Variants in GRID2 observed in about 807,000 individuals in gnomAD.
GRID2 encodes the protein glutamate receptor ionotropic, delta-2.
In GRID2, 33 loss-of-function variants were observed where a neutral mutation model predicts 114.8. That is an observed-to-expected ratio of 0.29 (90% CI 0.22 to 0.38). GRID2 has a LOEUF of 0.38. GRID2 is among the 10% of genes least tolerant of loss of function. The pLI is 1.00. For synonymous variants in GRID2, 505 were observed against 449.9 expected (o/e 1.12, Z -1.55); for missense variants, 1,184 against 1,257.7 (o/e 0.94, Z 0.89).
At chr4:93,774,808 G>A (rs942575373), downstream of GRID2, among the ~76,000 whole-genome samples, 1 of 151,776 alleles carries the variant, frequency 6.6e-6, no homozygotes, top group African/African-American at 2.4e-5. Context: ...TTTTCTCTGT[G>A]GATGTCTCTG....
intron 1 of GRID2, among the ~76,000 whole-genome samples, chr4:92,363,422 T>C (rs1476677890): frequency 6.6e-6 from 1 of 152,022 alleles, no homozygotes; most frequent in Non-Finnish European, 1.5e-5. Context: ...TTTAGCGTTT[T>C]AGTTAAATAA....
intron 1 of GRID2, among the ~76,000 whole-genome samples, chr4:92,579,267 T>C (rs1030356335): frequency 2.0e-5 from 3 of 152,128 alleles, no homozygotes; most frequent in African/African-American, 7.2e-5. Context: ...TTTTTCAATA[T>C]GTGTTTAAAA....
intron 11 of GRID2, among the ~76,000 whole-genome samples, chr4:93,467,202 T>C (rs1291170961): frequency 6.6e-6 from 1 of 152,188 alleles, no homozygotes; most frequent in East Asian, 1.9e-4. Context: ...ATTGCAAAAG[T>C]TGGTTCTGGA....
chr4:92,775,965 G>A (rs773715881), intron 2 of GRID2, among the ~76,000 whole-genome samples: 3 of 152,088 alleles, frequency 2.0e-5, no homozygotes, highest in Admixed American at 1.3e-4. Flanking sequence ...AATTCTGCAG[G>A]TAGATTGTCA....
At chr4:92,664,730 A>G (rs1732683801) in intron 2 of GRID2, among the ~76,000 whole-genome samples, 1 of 151,192 alleles carries the variant, frequency 6.6e-6, no homozygotes, top group Admixed American at 6.6e-5. Context: ...AGGTACATGA[A>G]TGTTTACATA....
chr4:93,577,317 G>T (rs1736520437), intron 13 of GRID2, among the ~76,000 whole-genome samples: 1 of 152,094 alleles, frequency 6.6e-6, no homozygotes, highest in South Asian at 2.1e-4. Flanking sequence ...AACATTTATA[G>T]AAGAGAAAAC....
intron 2 of GRID2, among the ~76,000 whole-genome samples, chr4:92,830,148 T>G (rs1177064528): frequency 6.6e-6 from 1 of 151,290 alleles, no homozygotes; most frequent in Non-Finnish European, 1.5e-5. Flanking sequence ...AAAGCAATCC[T>G]GGGACTCATA....
intron 2 of GRID2, among the ~76,000 whole-genome samples, chr4:93,013,992 C>T (rs1162639360): frequency 6.6e-6 from 1 of 151,704 alleles, no homozygotes; most frequent in East Asian, 1.9e-4. Flanking sequence ...AGACTGAATC[C>T]AAGAGATGTA....
intron 14 of GRID2, among the ~76,000 whole-genome samples, chr4:93,718,534 G>A (rs1209447021): frequency 6.6e-6 from 1 of 152,046 alleles, no homozygotes; most frequent in East Asian, 1.9e-4. Context: ...GTTCCATGAA[G>A]GTAGGAATTT....
Position 92,938,945 on chromosome 4 carries a change from G to T in GRID2, c.245-146050G>T, listed in dbSNP as rs575096990. ...TTCCATGGTGTATATGTGCCACATT[G>T]TCTTAATCCAGTCTATCATTGTTGG... On this transcript the variant is annotated intron_variant, in intron 2 of 15. Transcript: ENST00000282020. 1.3e-3 allele frequency among the ~76,000 whole-genome samples: 193 copies of T among 146,760 alleles called. 25 individuals carry two copies. In the Middle Eastern group the frequency reaches 0.028, roughly 21 times the overall value.
chr4:93,212,368 G>T (rs1370500529), intron 5 of GRID2, among the ~76,000 whole-genome samples: 1 of 152,116 alleles, frequency 6.6e-6, no homozygotes, highest in Non-Finnish European at 1.5e-5. Context: ...CATTAAGTGT[G>T]CTATAATAAT....
At chr4:92,914,187 G>T (rs1006662180) in intron 2 of GRID2, among the ~76,000 whole-genome samples, 7 of 152,066 alleles carry the variant, frequency 4.6e-5, no homozygotes, top group African/African-American at 1.7e-4. Context: ...AATGTATAAA[G>T]AGATAAAATG....
At chr4:92,701,495 C>T (rs183610813) in intron 2 of GRID2, among the ~76,000 whole-genome samples, 4 of 152,118 alleles carry the variant, frequency 2.6e-5, no homozygotes, top group African/African-American at 9.6e-5. Context: ...GAATTATAGA[C>T]CACAGGAAAA....
intron 1 of GRID2, among the ~76,000 whole-genome samples, chr4:92,582,033 A>G (rs1728207534): frequency 6.6e-6 from 1 of 151,974 alleles, no homozygotes; most frequent in Non-Finnish European, 1.5e-5. Flanking sequence ...ATGGAAGTTA[A>G]TATTATAAGG....
chr4:93,019,611 G>T lies in GRID2; in HGVS notation c.245-65384G>T, dbSNP rs115813156. On this transcript the variant is annotated intron_variant, in intron 2 of 15. Transcript: ENST00000282020. ...AAAAGGGCAGAAGATAGTCAGACTA[G>T]TAGGACTCTTGAGGAGGCTCTCCTA... 8.8e-3 allele frequency among the ~76,000 whole-genome samples: 1,345 copies of T among 152,236 alleles called. 20 individuals carry two copies. The highest frequency in any genetic ancestry group is 0.03 in the African/African-American group (1,258 of 41,554).
chr4:93,105,575 G>A (rs1732142796), intron 3 of GRID2, among the ~76,000 whole-genome samples: 3 of 152,226 alleles, frequency 2.0e-5, no homozygotes, highest in Admixed American at 1.3e-4. Context: ...ATCTCAGTGG[G>A]CTATAATCAG....
Position 92,907,331 on chromosome 4 carries a change from G to T in GRID2, c.245-177664G>T, listed in dbSNP as rs1384115332. 2.6e-5 allele frequency among the ~76,000 whole-genome samples: 4 copies of T among 152,226 alleles called. 1 individual carries two copies. Among genetic ancestry groups the T allele is most frequent in the Non-Finnish European group, 5.9e-5 (4 of 68,012 alleles). ...TAGCAGCAACTCTGTAGAGGACAAG[G>T]ATCATTTGTTTCTATAGGTAGGTAT... is the stretch of plus-strand genomic sequence containing the variant. On this transcript the variant is annotated intron_variant, in intron 2 of 15. Coordinates refer to ENST00000282020, the MANE Select transcript of GRID2 (RefSeq NM_001510.4).
intron 8 of GRID2, among the ~76,000 whole-genome samples, chr4:93,272,792 A>G (rs1368724): frequency 0.71 from 108,613 of 152,078 alleles, 39,675 homozygotes; most frequent in African/African-American, 0.86. Context: ...TCGACATGCA[A>G]AGGCATGTTT....
intron 1 of GRID2, among the ~76,000 whole-genome samples, chr4:92,401,055 G>C (rs1053173370): frequency 7.9e-5 from 12 of 152,100 alleles, no homozygotes; most frequent in African/African-American, 2.9e-4. Flanking sequence ...TGACTTTCCT[G>C]ATGAGATCCT....
Sources: gnomAD v4.1 joint callset for allele counts (sites outside exome capture counted in the v4.1 genomes callset) on GRCh38, gnomAD v4.1.1 for gene constraint, MANE v1.5 for transcripts, NCBI Gene and HGNC (gene_info 2026-07-23, HGNC 2026-07-21) for gene names.